Variants in SEMA3C observed in about 807,000 individuals in gnomAD.
SEMA3C encodes semaphorin 3C.
In SEMA3C, 47 loss-of-function variants were observed where a neutral mutation model predicts 89.4. The ratio of observed to expected loss-of-function variants is 0.53; its 90% CI spans 0.42 to 0.67. SEMA3C has a LOEUF of 0.67. Among genes scored for constraint, SEMA3C ranks in the 30% least tolerant of loss-of-function variants. SEMA3C has a pLI of 0.00. For missense variants in SEMA3C, 839 were observed against 929.1 expected, an observed-to-expected ratio of 0.90 and a Z score of 1.26; for synonymous variants, 310 against 320.2, an observed-to-expected ratio of 0.97 and a Z score of 0.34.
chr7:80,804,371 A>G, intron 7 of SEMA3C, 123 bp from the exon 8 acceptor site: 1 of 558,988 alleles, frequency 1.8e-6, no homozygotes, highest in Non-Finnish European at 2.8e-6. Context: ...CAACATTTAC[A>G]GGCACATTTC....
intron 2 of SEMA3C, among the ~76,000 whole-genome samples, chr7:80,840,792 CA>C (rs1274615782): frequency 6.6e-6 from 1 of 151,958 alleles, no homozygotes; most frequent in Non-Finnish European, 1.5e-5. Flanking sequence ...TTAACTAAGC[CA>C]CTCAATATTA....
At chr7:80,887,203 A>G (rs1280707250) in intron 2 of SEMA3C, among the ~76,000 whole-genome samples, 2 of 152,192 alleles carry the variant, frequency 1.3e-5, no homozygotes, top group Admixed American at 6.5e-5. Context: ...AAATATTTTA[A>G]GTGTCTGCAA....
At chr7:80,903,137 C>G (rs1354896821) in intron 2 of SEMA3C, among the ~76,000 whole-genome samples, 2 of 152,120 alleles carry the variant, frequency 1.3e-5, no homozygotes, top group East Asian at 1.9e-4. Flanking sequence ...AAGGTATGTT[C>G]TGAGTCATTA....
intron 2 of SEMA3C, among the ~76,000 whole-genome samples, chr7:80,892,132 T>C (rs1166852831): frequency 6.6e-6 from 1 of 152,096 alleles, no homozygotes; most frequent in East Asian, 1.9e-4. Flanking sequence ...AATGGTAGAA[T>C]TGTAGGATCA....
intron 2 of SEMA3C, among the ~76,000 whole-genome samples, chr7:80,876,001 A>G (rs1238241176): frequency 6.6e-6 from 1 of 152,098 alleles, no homozygotes; most frequent in East Asian, 1.9e-4. Context: ...ACTTATGGCC[A>G]CCGTGCATGA....
At chr7:80,786,994 C>A (rs1343985362) in intron 12 of SEMA3C, among the ~76,000 whole-genome samples, 1 of 152,050 alleles carries the variant, frequency 6.6e-6, no homozygotes, top group Non-Finnish European at 1.5e-5. Flanking sequence ...AAACACTGAG[C>A]ATAGGAAATG....
rs1044647713 is a variant in SEMA3C at position 80,894,864 on chromosome 7, G to T, written c.103+21815C>A. Among the ~76,000 whole-genome samples, 3 of 152,058 alleles carry T rather than the reference G, an allele frequency of 2.0e-5. No individual in the cohort carries two copies. The South Asian group carries it at 6.2e-4, about 31-fold the overall frequency. On this transcript the variant is annotated intron_variant, in intron 2 of 17. Coordinates refer to ENST00000265361, the MANE Select transcript of SEMA3C (RefSeq NM_006379.5). Reference sequence around the variant, plus strand: ...AGAGTGATGATGGGGGAACACCATGGATGCACAAGTAATAAGTATATCCAA... The same window carrying T: ...AGAGTGATGATGGGGGAACACCATGTATGCACAAGTAATAAGTATATCCAA...
At chr7:80,783,555 TCA>T (rs1788736693) in intron 12 of SEMA3C, among the ~76,000 whole-genome samples, 1 of 152,190 alleles carries the variant, frequency 6.6e-6, no homozygotes, top group African/African-American at 2.4e-5. Flanking sequence ...AGAGTGACAT[TCA>T]CACACAACTT....
At chr7:80,872,541 C>T (rs539757184) in intron 2 of SEMA3C, among the ~76,000 whole-genome samples, 47 of 152,042 alleles carry the variant, frequency 3.1e-4, no homozygotes, top group South Asian at 8.3e-4. Flanking sequence ...TGGTGGCTTA[C>T]GCCTGTAATC....
At chr7:80,881,431 A>G (rs1021683785) in intron 2 of SEMA3C, among the ~76,000 whole-genome samples, 4 of 152,172 alleles carry the variant, frequency 2.6e-5, no homozygotes, top group Admixed American at 2.0e-4. Context: ...TAGCAACACT[A>G]GTTTCTAAGA....
intron 15 of SEMA3C, among the ~76,000 whole-genome samples, chr7:80,753,377 A>G (rs562181645): frequency 5.9e-5 from 9 of 152,350 alleles, no homozygotes; most frequent in South Asian, 4.1e-4. Flanking sequence ...TCAGCCATCT[A>G]GGCAAGCAAT....
intron 7 of SEMA3C, among the ~76,000 whole-genome samples, chr7:80,805,346 T>G (rs1376976991): frequency 6.6e-6 from 1 of 152,086 alleles, no homozygotes; most frequent in Non-Finnish European, 1.5e-5. Context: ...ATTAAACAAC[T>G]GGAGAAGATG....
At chr7:80,911,025 CA>C (rs1792135078) in intron 2 of SEMA3C, among the ~76,000 whole-genome samples, 1 of 151,906 alleles carries the variant, frequency 6.6e-6, no homozygotes, top group Non-Finnish European at 1.5e-5. Context: ...GTTACAGCAA[CA>C]AAATAAACAT....
At chr7:80,911,988 A>C (rs1021811009) in intron 2 of SEMA3C, among the ~76,000 whole-genome samples, 9 of 152,022 alleles carry the variant, frequency 5.9e-5, no homozygotes, top group African/African-American at 2.2e-4. Context: ...AAAACACTCA[A>C]GCTCACTCTT....
At chr7:80,907,045 TATTC>T (rs546274136) in intron 2 of SEMA3C, among the ~76,000 whole-genome samples, 63 of 152,320 alleles carry the variant, frequency 4.1e-4, no homozygotes, top group African/African-American at 1.5e-3. Flanking sequence ...GCATAGTTCA[TATTC>T]ATTATCAGTT....
intron 2 of SEMA3C, among the ~76,000 whole-genome samples, chr7:80,890,910 T>C (rs942008162): frequency 3.3e-5 from 5 of 152,188 alleles, no homozygotes; most frequent in African/African-American, 1.2e-4. Flanking sequence ...GAGAAGCATA[T>C]GCACATGTTA....
intron 12 of SEMA3C, among the ~76,000 whole-genome samples, chr7:80,786,388 AT>A (rs1788802120): frequency 1.3e-5 from 2 of 151,018 alleles, no homozygotes; most frequent in Non-Finnish European, 2.9e-5. Flanking sequence ...TTTCATGTAG[AT>A]TTTCATGAAA....
chr7:80,895,636 A>C (rs1356136801), intron 2 of SEMA3C, among the ~76,000 whole-genome samples: 2 of 152,212 alleles, frequency 1.3e-5, no homozygotes, highest in Non-Finnish European at 2.9e-5. Flanking sequence ...AATGTTGCAG[A>C]GATTATTAAA....
rs550922473 is a variant in SEMA3C, at chr7:80,868,208, T to C, written c.104-39463A>G. Among the ~76,000 whole-genome samples, 87 of 152,308 alleles carry C rather than the reference T, an allele frequency of 5.7e-4. No homozygotes were observed. The South Asian group carries it at 0.018, about 32-fold the overall frequency. On this transcript the variant is annotated intron_variant, in intron 2 of 17. Transcript: ENST00000265361. ...AAATAATGGCAGACTTGAGAAAGCA[T>C]GAAGAATATATTCCTTTCCTTCATA...
Sources: gnomAD v4.1 joint callset for allele counts (sites outside exome capture counted in the v4.1 genomes callset) on GRCh38, gnomAD v4.1.1 for gene constraint, MANE v1.5 for transcripts, NCBI Gene and HGNC (gene_info 2026-07-23, HGNC 2026-07-21) for gene names.